The following SCN8A variants were observed in gnomAD, a reference collection of about 807,000 sequenced individuals.
SCN8A encodes sodium voltage-gated channel alpha subunit 8, also known as sodium channel protein type 8 subunit alpha.
In SCN8A, 30 loss-of-function variants were observed where a neutral mutation model predicts 184.1. The ratio of observed to expected loss-of-function variants is 0.16; its 90% CI spans 0.12 to 0.22. The LOEUF (loss-of-function observed/expected upper bound fraction) is 0.22, where lower values mean the gene tolerates loss of function less well. SCN8A is among the 10% of genes least tolerant of loss of function. SCN8A has a pLI of 1.00. For synonymous variants in SCN8A, 852 were observed against 907.0 expected, an observed-to-expected ratio of 0.94 and a Z score of 1.09; for missense variants, 1,057 against 2,498.9, an observed-to-expected ratio of 0.42 and a Z score of 12.30.
intron 13 of SCN8A, among the ~76,000 whole-genome samples, chr12:51,746,729 T>C (rs1942516862): frequency 1.3e-5 from 2 of 152,198 alleles, no homozygotes; most frequent in African/African-American, 2.4e-5. Flanking sequence ...TGCTGAGGAA[T>C]ACCTGAAGAT....
At chr12:51,604,607 G>T (rs1459312595) in intron 1 of SCN8A, among the ~76,000 whole-genome samples, 1 of 151,954 alleles carries the variant, frequency 6.6e-6, no homozygotes, top group Non-Finnish European at 1.5e-5. Context: ...TCAGCTCACC[G>T]CAACCTCCGC....
intron 26 of SCN8A, among the ~76,000 whole-genome samples, chr12:51,799,140 A>G (rs1445778313): frequency 1.3e-5 from 2 of 152,170 alleles, no homozygotes; most frequent in Non-Finnish European, 2.9e-5. Flanking sequence ...AGTTGATCAT[A>G]GCGAACTCCC....
At chr12:51,668,392 T>C (rs758900649) in intron 2 of SCN8A, among the ~76,000 whole-genome samples, 9 of 152,170 alleles carry the variant, frequency 5.9e-5, no homozygotes, top group Non-Finnish European at 1.2e-4. Flanking sequence ...CCACTGTTGG[T>C]GGTATAACCA....
chr12:51,713,547 G>T, intron 11 of SCN8A: 1 of 737,468 alleles, frequency 1.4e-6, no homozygotes, highest in Non-Finnish European at 2.5e-6. Context: ...CTTCCTGCCG[G>T]TGGCAATGTC....
At position 51,812,090 on chromosome 12, in the gene SCN8A, CT is replaced by C; in HGVS notation, c.*4664del. ...TCAGCTCTGTGCTTTCTTGGATTCC[CT>C]TTCCAAGATTACCAAGATTTCCTCC... On this transcript the variant is annotated 3_prime_UTR_variant, in exon 27 of 27. Transcript: ENST00000627620. 1 of 150,430 alleles carries C rather than the reference CT, an allele frequency of 6.6e-6. No individual in the cohort carries two copies. Among genetic ancestry groups the C allele is most frequent in the Non-Finnish European group, 1.5e-5 (1 of 67,632 alleles). The allele number at this position is 150,430 out of a possible 1,614,324, so 9.3% of individuals were successfully genotyped here.
intron 19 of SCN8A, among the ~76,000 whole-genome samples, chr12:51,773,107 A>C: frequency 1.3e-5 from 2 of 149,226 alleles, no homozygotes; most frequent in African/African-American, 2.5e-5. Context: ...ACTGAGCGAG[A>C]CTCCGTCTCC....
At chr12:51,634,858 C>A (rs2138621401) in intron 1 of SCN8A, among the ~76,000 whole-genome samples, 1 of 152,106 alleles carries the variant, frequency 6.6e-6, no homozygotes, top group Admixed American at 6.6e-5. Context: ...CCATGTTGGC[C>A]AGGCTGATCT....
chr12:51,738,839 G>C (rs1298307626), intron 12 of SCN8A, among the ~76,000 whole-genome samples: 1 of 152,190 alleles, frequency 6.6e-6, no homozygotes, highest in African/African-American at 2.4e-5. Flanking sequence ...ACCTTTTGCG[G>C]GGGTTCCCCA....
intron 1 of SCN8A, among the ~76,000 whole-genome samples, chr12:51,641,739 A>G (rs1940458631): frequency 6.6e-6 from 1 of 152,194 alleles, no homozygotes; most frequent in South Asian, 2.1e-4. Context: ...GTTATAGAAA[A>G]TCACTGGGGC....
intron 1 of SCN8A, among the ~76,000 whole-genome samples, chr12:51,631,567 G>T (rs1236272392): frequency 6.6e-6 from 1 of 152,194 alleles, no homozygotes; most frequent in Non-Finnish European, 1.5e-5. Flanking sequence ...AGCAACATCT[G>T]TGAAAATTAT....
rs116748598 is a variant in SCN8A, at chr12:51,792,094, T to C, written c.4524+1592T>C. ...AACAGCTACAATAAAATGTGGAAGA[T>C]TGTAGGAAAAAAATTAACTAGAGGG... On this transcript the variant is annotated intron_variant, in intron 25 of 26. Coordinates refer to ENST00000627620, the MANE Select transcript of SCN8A (RefSeq NM_001330260.2). Among the ~76,000 whole-genome samples the C allele has an allele frequency of 6.1e-3, 925 of 151,954 alleles. 6 individuals are homozygous for C. The highest frequency in any genetic ancestry group is 0.021 in the African/African-American group (884 of 41,442).
chr12:51,680,377 T>C (rs572199467), intron 2 of SCN8A, among the ~76,000 whole-genome samples: 1 of 152,296 alleles, frequency 6.6e-6, no homozygotes, highest in South Asian at 2.1e-4. Flanking sequence ...ATGCTTAGTT[T>C]CCCCCAGAAT....
intron 14 of SCN8A, among the ~76,000 whole-genome samples, chr12:51,754,057 C>G (rs1942635894): frequency 6.6e-6 from 1 of 152,108 alleles, no homozygotes; most frequent in African/African-American, 2.4e-5. Context: ...TTGAAGATCC[C>G]TGCCTCTTCT....
intron 6 of SCN8A, chr12:51,689,557 CAG>C: frequency 6.3e-6 from 1 of 157,648 alleles, no homozygotes; most frequent in Non-Finnish European, 1.4e-5. Flanking sequence ...TTTTTAATCA[CAG>C]AAGAGATCTA....
chr12:51,598,677 T>G (rs989038212), intron 1 of SCN8A, among the ~76,000 whole-genome samples: 2 of 152,230 alleles, frequency 1.3e-5, no homozygotes, highest in African/African-American at 4.8e-5. Flanking sequence ...AGTTCGAAGT[T>G]AAGTCTTCTT....
chr12:51,592,302 G>C (rs1199115783), intron 1 of SCN8A, among the ~76,000 whole-genome samples: 1 of 151,864 alleles, frequency 6.6e-6, no homozygotes, highest in South Asian at 2.1e-4. Context: ...ACAACCACCG[G>C]TGGAGACTTG....
intron 1 of SCN8A, among the ~76,000 whole-genome samples, chr12:51,627,299 A>T (rs1217170286): frequency 6.6e-6 from 1 of 152,248 alleles, no homozygotes; most frequent in Non-Finnish European, 1.5e-5. Flanking sequence ...ATGAGATAAT[A>T]AATATCAGCC....
chr12:51,665,115 T>G (rs1171412619), intron 2 of SCN8A, among the ~76,000 whole-genome samples: 1 of 152,240 alleles, frequency 6.6e-6, no homozygotes, highest in Non-Finnish European at 1.5e-5. Context: ...AAAAAATATA[T>G]AGAGCTAATA....
chr12:51,704,481 C>A (rs1941744798), intron 9 of SCN8A, among the ~76,000 whole-genome samples: 1 of 150,310 alleles, frequency 6.7e-6, no homozygotes, highest in African/African-American at 2.4e-5. Context: ...ACCAACCTGG[C>A]AAACCTGGTG....
Sources: gnomAD v4.1 joint callset for allele counts (sites outside exome capture counted in the v4.1 genomes callset) on GRCh38, gnomAD v4.1.1 for gene constraint, MANE v1.5 for transcripts, NCBI Gene and HGNC (gene_info 2026-07-23, HGNC 2026-07-21) for gene names.